The following PDE3A variants were observed in gnomAD, a reference collection of about 807,000 sequenced individuals.
PDE3A encodes the protein cGMP-inhibited 3',5'-cyclic phosphodiesterase 3A.
PDE3A carries 43 observed loss-of-function variants against 98.3 expected under a neutral mutation model. The ratio of observed to expected loss-of-function variants is 0.44; its 90% CI spans 0.34 to 0.56. The LOEUF is 0.56. Among genes scored for constraint, PDE3A ranks in the 20% least tolerant of loss-of-function variants. PDE3A has a pLI of 0.01. For synonymous variants in PDE3A, 663 were observed against 567.9 expected (o/e 1.17, Z -2.38); for missense variants, 1,427 against 1,440.7 (o/e 0.99, Z 0.15).
intron 1 of PDE3A, chr12:20,553,107 G>A (rs1268664081): frequency 1.3e-5 from 10 of 784,526 alleles, no homozygotes; most frequent in Non-Finnish European, 2.0e-5. Flanking sequence ...AACTTAAACA[G>A]GTAGTGTTTC....
intron 1 of PDE3A, among the ~76,000 whole-genome samples, chr12:20,478,104 A>C (rs1267621092): frequency 2.6e-5 from 4 of 152,232 alleles, no homozygotes. Flanking sequence ...TACAGTATTT[A>C]TAATAATAAT....
At chr12:20,655,818 G>C (rs1945029312) in intron 15 of PDE3A, among the ~76,000 whole-genome samples, 1 of 152,274 alleles carries the variant, frequency 6.6e-6, no homozygotes, top group South Asian at 2.1e-4. Context: ...AAGGGAGCAA[G>C]GATAGACATA....
At position 20,654,147 on chromosome 12, in the gene PDE3A, G is replaced by C. The variant is rs200225886; in HGVS notation, c.3126G>C (p.Glu1042Asp). Reference protein sequence around the residue: ...ESGDTDDPEEEEEEAPAPNEE... With the variant: ...ESGDTDDPEEDEEEAPAPNEE... ...GAGATACTGATGACCCAGAAGAAGA[G>C]GAGGAAGAAGCACCAGCACCAAATG... is the stretch of plus-strand genomic sequence containing the variant. Residue 1042 changes from glutamate to aspartate, a missense_variant, in exon 15 of 16, where the codon GAG becomes GAC. Around this residue, in one of 3 missense-constraint regions of PDE3A, gnomAD observed 142 missense variants for 133.9 expected, o/e 1.06. Coordinates refer to ENST00000359062, the MANE Select transcript of PDE3A (RefSeq NM_000921.5). 1 of 1,614,058 alleles carries C rather than the reference G, an allele frequency of 6.2e-7. No homozygotes were observed. Among genetic ancestry groups the C allele is most frequent in the East Asian group, 2.2e-5 (1 of 44,864 alleles).
chr12:20,624,186 G>T (rs1254459370), intron 5 of PDE3A, among the ~76,000 whole-genome samples: 1 of 152,108 alleles, frequency 6.6e-6, no homozygotes, highest in African/African-American at 2.4e-5. Context: ...AGAAAAAAAT[G>T]AGGATGACAA....
At chr12:20,457,100 C>T (rs985832810) in intron 1 of PDE3A, among the ~76,000 whole-genome samples, 3 of 151,988 alleles carry the variant, frequency 2.0e-5, no homozygotes, top group Admixed American at 6.6e-5. Flanking sequence ...CAAAACCTGA[C>T]AATTCACGTA....
chr12:20,550,167 T>C (rs1942159746), intron 1 of PDE3A, among the ~76,000 whole-genome samples: 1 of 152,170 alleles, frequency 6.6e-6, no homozygotes, highest in South Asian at 2.1e-4. Context: ...AACTTGTGTT[T>C]GTAAGATTTA....
chr12:20,463,146 G>A (rs1945283118), intron 1 of PDE3A, among the ~76,000 whole-genome samples: 1 of 152,074 alleles, frequency 6.6e-6, no homozygotes, highest in African/African-American at 2.4e-5. Context: ...TCTAAAGAGA[G>A]GAATAAGAAG....
chr12:20,432,961 A>C (rs1212857827), intron 1 of PDE3A, among the ~76,000 whole-genome samples: 1 of 152,172 alleles, frequency 6.6e-6, no homozygotes, highest in Non-Finnish European at 1.5e-5. Context: ...GAAGGTCTTA[A>C]GGGTGACTCC....
intron 1 of PDE3A, among the ~76,000 whole-genome samples, chr12:20,439,679 C>G (rs893083998): frequency 6.6e-6 from 1 of 152,120 alleles, no homozygotes; most frequent in East Asian, 1.9e-4. Flanking sequence ...TACCTTGTAG[C>G]CTTGCAATGC....
intron 9 of PDE3A, among the ~76,000 whole-genome samples, chr12:20,639,060 T>A (rs1944585729): frequency 1.3e-5 from 2 of 152,070 alleles, no homozygotes; most frequent in Non-Finnish European, 2.9e-5. Flanking sequence ...CTTCAAGTTC[T>A]CCAAATGAGG....
intron 14 of PDE3A, among the ~76,000 whole-genome samples, chr12:20,653,431 C>A (rs570125802): frequency 3.6e-4 from 54 of 151,946 alleles, no homozygotes; most frequent in African/African-American, 1.3e-3. Context: ...GGCACGATCT[C>A]AGCTCACCGC....
At chr12:20,640,443 C>G (rs957096032) in intron 10 of PDE3A, among the ~76,000 whole-genome samples, 1 of 151,786 alleles carries the variant, frequency 6.6e-6, no homozygotes, top group East Asian at 1.9e-4. Flanking sequence ...GTTTTCTCCA[C>G]GTAAGATAAA....
At position 20,369,347 on chromosome 12, in the gene PDE3A, A is replaced by C; in HGVS notation, c.63A>C (p.Gln21His). 6.5e-7 allele frequency: 1 copy of C among 1,548,706 alleles called. No homozygotes were observed. Among genetic ancestry groups the C allele is most frequent in the Non-Finnish European group, 8.7e-7 (1 of 1,146,366 alleles). ...AGCCCGTCCACAGTGGGGTGAGTCA[A>C]GCCCCCACGGCGGGCCGGGACTGCC... ...RDKPVHSGVS[Q>H]APTAGRDCHH... The change falls in exon 1 of 16, where the codon CAA (glutamine) becomes CAC (histidine). Residue 21 changes from glutamine (Q) to histidine (H), a missense_variant. Gln to His is a conservative substitution (Grantham distance 24). Around this residue, in one of 3 missense-constraint regions of PDE3A, gnomAD observed 1,012 missense variants for 886.5 expected, o/e 1.14. Transcript: ENST00000359062.
chr12:20,616,812 AAAGAGCAAATC>A (rs1352312333), intron 4 of PDE3A, among the ~76,000 whole-genome samples: 2 of 152,302 alleles, frequency 1.3e-5, no homozygotes, highest in African/African-American at 4.8e-5. Flanking sequence ...ACAAAAGACA[AAAGAGCAAATC>A]AAAAGTAGAT....
In PDE3A at chr12:20,687,884, G is replaced by A. The variant is rs1946014147; in HGVS notation, c.*7613G>A. 9.1e-6 allele frequency among the ~76,000 whole-genome samples: 1 copy of A among 109,584 alleles called. No individual in the cohort carries two copies. The highest frequency in any genetic ancestry group is 3.3e-4 in the South Asian group (1 of 3,042). The allele number at this position is 109,584 out of a possible 152,430, so 71.9% of individuals were successfully genotyped here. On this transcript the variant is annotated 3_prime_UTR_variant, in exon 16 of 16. Coordinates refer to ENST00000359062, the MANE Select transcript of PDE3A (RefSeq NM_000921.5). The stretch of plus-strand genomic sequence containing the variant: ...TGTGCTCTGATTTCTGCGGGCATTT[G>A]TTCTGACCAGTCATTACCTCTTCCC...
intron 15 of PDE3A, among the ~76,000 whole-genome samples, chr12:20,673,494 T>C (rs1288259870): frequency 5.6e-4 from 80 of 142,222 alleles, no homozygotes; most frequent in African/African-American, 1.2e-3. Context: ...ATGTGGCACA[T>C]ATACACCATG....
At chr12:20,433,714 C>T (rs1227009069) in intron 1 of PDE3A, among the ~76,000 whole-genome samples, 1 of 152,100 alleles carries the variant, frequency 6.6e-6, no homozygotes, top group African/African-American at 2.4e-5. Context: ...TTAGGAAGAG[C>T]ATGTACTGCT....
chr12:20,635,948 C>T (rs1944503106), intron 8 of PDE3A, among the ~76,000 whole-genome samples: 2 of 151,870 alleles, frequency 1.3e-5, no homozygotes, highest in African/African-American at 2.4e-5. Flanking sequence ...ACAATAATTG[C>T]AGATATTTAT....
At position 20,688,404 on chromosome 12, in the gene PDE3A, A is replaced by G. The variant is rs558099836; in HGVS notation, c.*8133A>G. Among the ~76,000 whole-genome samples the G allele has an allele frequency of 3.3e-5, 5 of 151,846 alleles. No individual in the cohort carries two copies. The South Asian group carries it at 1.0e-3, about 31-fold the overall frequency. ...ATTTATTTTTATTATTTTTTAGCTTAGATACTATGTTGATGCTCCCTTTTT... is the reference window on the plus strand; with the variant it reads ...ATTTATTTTTATTATTTTTTAGCTTGGATACTATGTTGATGCTCCCTTTTT... On this transcript the variant is annotated 3_prime_UTR_variant, in exon 16 of 16. Transcript: ENST00000359062.
Sources: allele counts gnomAD v4.1 joint callset (sites outside exome capture counted in the v4.1 genomes callset), GRCh38; gene constraint gnomAD v4.1.1; regional missense constraint gnomAD v4.1.1; transcripts MANE v1.5; gene names NCBI Gene and HGNC (gene_info 2026-07-23, HGNC 2026-07-21).